The following RRBP1 variants were observed in gnomAD, a reference collection of about 807,000 sequenced individuals.
RRBP1 encodes the protein ribosome-binding protein 1.
Under a neutral mutation model 165.2 loss-of-function variants are expected in RRBP1, and 94 were observed. That is an observed-to-expected ratio of 0.57 (90% CI 0.48 to 0.68). The LOEUF (loss-of-function observed/expected upper bound fraction) is 0.68, where lower values mean the gene tolerates loss of function less well. Among genes scored for constraint, RRBP1 ranks in the 30% least tolerant of loss-of-function variants. RRBP1 has a pLI of 0.00. For missense variants in RRBP1, 1,676 were observed against 1,763.0 expected (o/e 0.95, Z 0.88); for synonymous variants, 680 against 714.5 (o/e 0.95, Z 0.77).
rs564669243 is a variant in RRBP1 at position 17,614,635 on chromosome 20, G to A, written c.4194+102C>T. ...TGGGGCTCCCAGCCCAGCGCTCCCAGCAGCTTGACGACTCCGCCCAGCTCT... is the reference window on the plus strand; with the variant it reads ...TGGGGCTCCCAGCCCAGCGCTCCCAACAGCTTGACGACTCCGCCCAGCTCT... On this transcript the variant is annotated intron_variant, in intron 24 of 24. Coordinates refer to ENST00000377813, the MANE Select transcript of RRBP1 (RefSeq NM_001365613.2). The A allele has an allele frequency of 3.8e-5, 56 of 1,454,556 alleles. 1 individual carries two copies. In the South Asian group the frequency reaches 6.4e-4, roughly 17 times the overall value. The allele number at this position is 1,454,556 out of a possible 1,614,324, so 90.1% of individuals were successfully genotyped here. A position where few individuals can be genotyped will look rare whatever the true frequency, so the allele number is the denominator to read the frequency against.
chr20:17,615,397 T>C (rs763213807), intron 23 of RRBP1, 34 bp downstream of exon 23: 145 of 1,553,674 alleles, frequency 9.3e-5, no homozygotes, highest in Non-Finnish European at 1.2e-4. Context: ...GAGCAGACCC[T>C]CCAGGTGTGA....
intron 11 of RRBP1, among the ~76,000 whole-genome samples, chr20:17,626,485 C>G (rs1217538458): frequency 6.6e-6 from 1 of 152,188 alleles, no homozygotes; most frequent in Admixed American, 6.5e-5. Flanking sequence ...GCCTGGGGAG[C>G]TGCCTCTGCT....
intron 2 of RRBP1, among the ~76,000 whole-genome samples, chr20:17,664,403 T>G (rs2036828537): frequency 6.6e-6 from 1 of 152,182 alleles, no homozygotes. Context: ...TGCTGGTAAC[T>G]GAAACCACAA....
rs753407912 is a variant in RRBP1 at position 17,627,369 on chromosome 20, T to C, written c.2942A>G (p.Glu981Gly). The C allele has an allele frequency of 1.1e-5, 18 of 1,613,778 alleles. No individual in the cohort carries two copies. In the Admixed American group the frequency reaches 3.0e-4, roughly 27 times the overall value. Residue 981 changes from glutamate (E) to glycine (G), a missense_variant, in exon 11 of 25, where the codon GAG (glutamate) becomes GGG (glycine). This residue lies in a region of RRBP1 where 1,184 missense variants were observed against 1,167.1 expected (regional missense o/e 1.01). Coordinates refer to ENST00000377813, the MANE Select transcript of RRBP1 (RefSeq NM_001365613.2). The stretch of plus-strand genomic sequence containing the variant: ...TTACCGAGTCTGCTGCTGGTCAGCC[T>C]CCGCCTGGCTGGCCTGGAATGAGAG... ...DAQDVQASQA[E>G]ADQQQTRLKE...
intron 13 of RRBP1, among the ~76,000 whole-genome samples, chr20:17,623,543 C>G (rs1237635533): frequency 6.6e-6 from 1 of 152,222 alleles, no homozygotes; most frequent in Non-Finnish European, 1.5e-5. Context: ...GACACCTGCA[C>G]ACGCCCCACC....
Position 17,614,726 on chromosome 20 carries a change from CA to C in RRBP1, c.4194+10del. 6.2e-7 allele frequency: 1 copy of C among 1,610,476 alleles called. No individual in the cohort carries two copies. Among genetic ancestry groups the C allele is most frequent in the Middle Eastern group, 1.7e-4 (1 of 6,060 alleles). On this transcript the variant is annotated intron_variant, in intron 24 of 24. Transcript: ENST00000377813. ...GACTCCTCCCGCCCTGCTTTGGCGCCAGGCACGCACTGCCTTTTCCAGCTGT... is the reference window on the plus strand; with the variant it reads ...GACTCCTCCCGCCCTGCTTTGGCGCCGGCACGCACTGCCTTTTCCAGCTGT...
At chr20:17,667,090 T>A (rs2036886555) in intron 2 of RRBP1, among the ~76,000 whole-genome samples, 1 of 152,242 alleles carries the variant, frequency 6.6e-6, no homozygotes, top group Admixed American at 6.5e-5. Flanking sequence ...TGTTTTCTGA[T>A]CTTGGTATTA....
In RRBP1 at chr20:17,639,630, G is replaced by C. The variant is rs184415065; in HGVS notation, c.2184+2167C>G. ...GTAAACAGGCCAGGGACGGTGGCTC[G>C]CAGCTGCAATCCCAGCACTTTGGGA... On this transcript the variant is annotated intron_variant, in intron 5 of 24. Transcript: ENST00000377813. Among the ~76,000 whole-genome samples, 954 of 152,204 alleles carry C rather than the reference G, an allele frequency of 6.3e-3. 10 individuals are homozygous for C. Among genetic ancestry groups the C allele is most frequent in the Non-Finnish European group, 9.1e-3 (616 of 68,008 alleles).
intron 8 of RRBP1, among the ~76,000 whole-genome samples, chr20:17,633,053 G>A (rs1022029615): frequency 6.6e-6 from 1 of 152,196 alleles, no homozygotes; most frequent in African/African-American, 2.4e-5. Context: ...CACGGCTCCA[G>A]AGCGAGACTT....
At chr20:17,635,504 A>C in intron 7 of RRBP1, 42 bp downstream of exon 7, 1 of 1,438,604 alleles carries the variant, frequency 7.0e-7, no homozygotes, top group Non-Finnish European at 9.6e-7. Context: ...TCCTCGCTCC[A>C]GGGCCCTTGG....
rs538959889 is a variant in RRBP1 at position 17,634,052 on chromosome 20, C to A, written c.2457-439G>T. On this transcript the variant is annotated intron_variant, in intron 7 of 24. Transcript: ENST00000377813. ...CCAGGCTGGGGAGGCTGCCCAAAGC[C>A]AGAGCCTGAGGTGCTTACAAAACAG... Among the ~76,000 whole-genome samples the A allele has an allele frequency of 4.6e-5, 7 of 152,360 alleles. No individual in the cohort carries two copies. In the East Asian group the frequency reaches 1.2e-3, roughly 25 times the overall value.
chr20:17,615,350 T>C (rs2035777393), intron 23 of RRBP1, 81 bp downstream of exon 23: 2 of 1,163,108 alleles, frequency 1.7e-6, no homozygotes, highest in Admixed American at 5.3e-5. Context: ...CTCCCCTTCC[T>C]GGCCCCTTTC....
At chr20:17,624,208 G>T (rs1294952897) in intron 13 of RRBP1, among the ~76,000 whole-genome samples, 2 of 152,216 alleles carry the variant, frequency 1.3e-5, no homozygotes, top group African/African-American at 4.8e-5. Flanking sequence ...GAGGTGGGAG[G>T]GGGAGGTGGA....
chr20:17,636,563 G>GCCACTACAC lies in RRBP1; in HGVS notation c.2337+5_2337+13dup, dbSNP rs777362361. ...CCTGTCCCTTCCCATGCCCCCGCCA[G>GCCACTACAC]CCACTACACCCACCTTGCCCTGCAG... On this transcript the variant is annotated intron_variant, in intron 6 of 24. Coordinates refer to ENST00000377813, the MANE Select transcript of RRBP1 (RefSeq NM_001365613.2). 1 of 1,609,304 alleles carries GCCACTACAC rather than the reference G, an allele frequency of 6.2e-7. No homozygotes were observed. The highest frequency in any genetic ancestry group is 2.2e-5 in the East Asian group (1 of 44,848).
At position 17,626,760 on chromosome 20, in the gene RRBP1, T is replaced by A. The variant is rs541717201; in HGVS notation, c.2963+588A>T. Among the ~76,000 whole-genome samples, 221 of 91,034 alleles carry A rather than the reference T, an allele frequency of 2.4e-3. 3 individuals are homozygous for A. The highest frequency in any genetic ancestry group is 5.7e-3 in the African/African-American group (215 of 37,930). 59.7% of individuals were successfully genotyped at this position (91,034 alleles called of 152,430 possible). ...TGACTCGAGCCACCCCACCCAGGTG[T>A]TGGCCGGCCTTAGCAACAGCAAATA... On this transcript the variant is annotated intron_variant, in intron 11 of 24. Transcript: ENST00000377813.
chr20:17,615,012 G>T, intron 23 of RRBP1, 132 bp from the exon 24 acceptor site: 3 of 996,114 alleles, frequency 3.0e-6, no homozygotes, highest in Non-Finnish European at 4.5e-6. Context: ...CTGGTCACCC[G>T]GAGATAGGTG....
chr20:17,658,815 T>C lies in RRBP1; in HGVS notation c.1693A>G (p.Asn565Asp), dbSNP rs1245482710. 2 of 1,614,032 alleles carry C rather than the reference T, an allele frequency of 1.2e-6. No individual in the cohort carries two copies. Among genetic ancestry groups the C allele is most frequent in the Non-Finnish European group, 1.7e-6 (2 of 1,179,900 alleles). ...GACCCTTCTGCTTTTTTCCCCTGGT[T>C]TGTAATACCCTCTACCTTTGTGCCC... ...NQGTKVEGIT[N>D]QGKKAEGSPS... The change falls in exon 3 of 25, where the codon AAC becomes GAC. Residue 565 changes from asparagine (N) to aspartate (D), a missense_variant. By Grantham distance (23) the Asn-to-Asp change is conservative. Around this residue, in one of 5 missense-constraint regions of RRBP1, gnomAD observed 1,184 missense variants for 1,167.1 expected, o/e 1.01. Transcript: ENST00000377813.
Position 17,614,084 on chromosome 20 carries a change from G to T in RRBP1, c.*98C>A, listed in dbSNP as rs13734. 1 of 1,235,392 alleles carries T rather than the reference G, an allele frequency of 8.1e-7. No individual in the cohort carries two copies. Among genetic ancestry groups the T allele is most frequent in the Non-Finnish European group, 1.2e-6 (1 of 839,892 alleles). 76.5% of individuals were successfully genotyped at this position (1,235,392 alleles called of 1,614,324 possible). ...TTCTCTCGGAGCTACCGGAAGTTGGGCCTGGATAACGCTGTGTAGGTTGGT... is the reference window on the plus strand; with the variant it reads ...TTCTCTCGGAGCTACCGGAAGTTGGTCCTGGATAACGCTGTGTAGGTTGGT... On this transcript the variant is annotated 3_prime_UTR_variant, in exon 25 of 25. Coordinates refer to ENST00000377813, the MANE Select transcript of RRBP1 (RefSeq NM_001365613.2).
chr20:17,614,009 G>A lies in RRBP1; in HGVS notation c.*173C>T. 1.5e-6 allele frequency: 1 copy of A among 647,944 alleles called. No homozygotes were observed. The highest frequency in any genetic ancestry group is 2.8e-6 in the Non-Finnish European group (1 of 358,814). The allele number at this position is 647,944 out of a possible 1,614,324, so 40.1% of individuals were successfully genotyped here. A position where few individuals can be genotyped will look rare whatever the true frequency, so the allele number is the denominator to read the frequency against. On this transcript the variant is annotated 3_prime_UTR_variant, in exon 25 of 25. Transcript: ENST00000377813. The stretch of plus-strand genomic sequence containing the variant: ...TGACACAGGTTCATTTACAAACTGG[G>A]GCTCTGGAAGGTCTACTTCTGTGGC...
Sources: gnomAD v4.1 joint callset for allele counts (sites outside exome capture counted in the v4.1 genomes callset) on GRCh38, gnomAD v4.1.1 for gene constraint, gnomAD v4.1.1 regional missense constraint, MANE v1.5 for transcripts, NCBI Gene and HGNC (gene_info 2026-07-23, HGNC 2026-07-21) for gene names.